Variants in BMPR1A observed in about 807,000 individuals in gnomAD.
The protein encoded by BMPR1A is bone morphogenetic protein receptor type-1A.
BMPR1A carries 7 observed loss-of-function variants against 66.0 expected under a neutral mutation model. The ratio of observed to expected loss-of-function variants is 0.11; its 90% CI spans 0.06 to 0.20. The LOEUF (loss-of-function observed/expected upper bound fraction) is 0.20, where lower values mean the gene tolerates loss of function less well. Among genes scored for constraint, BMPR1A ranks in the 10% least tolerant of loss-of-function variants. BMPR1A has a pLI of 1.00. For missense variants in BMPR1A, 408 were observed against 669.1 expected (o/e 0.61, Z 4.31); for synonymous variants, 200 against 229.7 (o/e 0.87, Z 1.17).
chr10:86,908,335 A>G (rs1280425836), intron 7 of BMPR1A, among the ~76,000 whole-genome samples: 1 of 152,208 alleles, frequency 6.6e-6, no homozygotes, highest in African/African-American at 2.4e-5. Context: ...ATGTACAACT[A>G]TTATACATCA....
intron 1 of BMPR1A, among the ~76,000 whole-genome samples, chr10:86,775,000 T>C (rs1841323935): frequency 6.6e-6 from 1 of 152,216 alleles, no homozygotes; most frequent in South Asian, 2.1e-4. Flanking sequence ...AGAACAATAC[T>C]AAGTTCATTT....
intron 1 of BMPR1A, among the ~76,000 whole-genome samples, chr10:86,790,227 A>C (rs1841594125): frequency 1.0e-5 from 1 of 97,622 alleles, no homozygotes; most frequent in Admixed American, 1.2e-4. Flanking sequence ...ATATATATAT[A>C]TATATATATC....
At chr10:86,915,650 C>T (rs192830216) in intron 8 of BMPR1A, among the ~76,000 whole-genome samples, 1 of 152,078 alleles carries the variant, frequency 6.6e-6, no homozygotes, top group Non-Finnish European at 1.5e-5. Flanking sequence ...ATTGTTTTAA[C>T]TGGGGAGGCA....
chr10:86,913,565 G>T (rs1178762405), intron 8 of BMPR1A, among the ~76,000 whole-genome samples: 2 of 152,114 alleles, frequency 1.3e-5, no homozygotes, highest in African/African-American at 4.8e-5. Context: ...AACTACTGCA[G>T]CCAGTAAATG....
Position 86,876,144 on chromosome 10 carries a change from T to C in BMPR1A, c.67+59T>C, listed in dbSNP as rs1349883416. On this transcript the variant is annotated intron_variant, in intron 3 of 12. Coordinates refer to ENST00000372037, the MANE Select transcript of BMPR1A (RefSeq NM_004329.3). ...GTATATAAAAAGCACTATTTCTTGC[T>C]TCTGTTCTTTCAACTCATCCCTGTT... The C allele has an allele frequency of 6.0e-6, 9 of 1,492,234 alleles. No individual in the cohort carries two copies. The East Asian group carries it at 1.6e-4, about 26-fold the overall frequency. 92.4% of individuals were successfully genotyped at this position (1,492,234 alleles called of 1,614,324 possible).
At chr10:86,888,812 G>A (rs1376101990) in intron 3 of BMPR1A, among the ~76,000 whole-genome samples, 4 of 141,258 alleles carry the variant, frequency 2.8e-5, no homozygotes, top group South Asian at 4.5e-4. Context: ...GGGCAATAGC[G>A]TGAGACCATG....
chr10:86,758,178 C>T (rs989887340), intron 1 of BMPR1A, among the ~76,000 whole-genome samples: 21 of 152,116 alleles, frequency 1.4e-4, no homozygotes, highest in Admixed American at 1.1e-3. Flanking sequence ...ATGTAGAATG[C>T]GTTTTTAGTA....
intron 7 of BMPR1A, among the ~76,000 whole-genome samples, chr10:86,908,907 A>G (rs973517161): frequency 2.0e-5 from 3 of 152,146 alleles, no homozygotes; most frequent in African/African-American, 7.2e-5. Context: ...TCAGCATCAG[A>G]GGATCTTAGC....
At chr10:86,861,340 GATTTT>G (rs1842712179) in intron 2 of BMPR1A, among the ~76,000 whole-genome samples, 1 of 152,206 alleles carries the variant, frequency 6.6e-6, no homozygotes, top group Admixed American at 6.5e-5. Context: ...GGGTTTGTAA[GATTTT>G]AGTTTTCTAT....
chr10:86,812,070 A>T (rs1051925162), intron 1 of BMPR1A, among the ~76,000 whole-genome samples: 1 of 152,038 alleles, frequency 6.6e-6, no homozygotes, highest in East Asian at 1.9e-4. Flanking sequence ...AAAGAAAAAA[A>T]AAAACCCTAA....
At chr10:86,779,870 G>C (rs1169724280) in intron 1 of BMPR1A, among the ~76,000 whole-genome samples, 1 of 152,142 alleles carries the variant, frequency 6.6e-6, no homozygotes, top group African/African-American at 2.4e-5. Context: ...CCAAAGTGCT[G>C]GGACTACAGG....
At chr10:86,775,529 A>AT (rs1199364745) in intron 1 of BMPR1A, among the ~76,000 whole-genome samples, 5 of 152,224 alleles carry the variant, frequency 3.3e-5, no homozygotes, top group South Asian at 2.1e-4. Flanking sequence ...AGAAAGTTTC[A>AT]TTTTTTGGAC....
intron 1 of BMPR1A, among the ~76,000 whole-genome samples, chr10:86,800,434 G>T (rs1440840404): frequency 2.6e-5 from 4 of 152,156 alleles, no homozygotes; most frequent in African/African-American, 9.7e-5. Context: ...CGCTCTTGTT[G>T]CCCAGGCTGG....
At chr10:86,878,844 TC>T (rs1388659899) in intron 3 of BMPR1A, among the ~76,000 whole-genome samples, 2 of 152,086 alleles carry the variant, frequency 1.3e-5, no homozygotes, top group East Asian at 1.9e-4. Context: ...GGTGTGTTGT[TC>T]CCCCAAACAA....
intron 1 of BMPR1A, among the ~76,000 whole-genome samples, chr10:86,760,715 A>G (rs532098740): frequency 6.6e-6 from 1 of 152,270 alleles, no homozygotes; most frequent in East Asian, 1.9e-4. Context: ...CCATGGAGAG[A>G]AAGGAAAATG....
At chr10:86,795,592 A>C (rs1841696870) in intron 1 of BMPR1A, among the ~76,000 whole-genome samples, 1 of 152,164 alleles carries the variant, frequency 6.6e-6, no homozygotes, top group Non-Finnish European at 1.5e-5. Flanking sequence ...CGTTCAGAGA[A>C]GCAATAGTGA....
chr10:86,862,888 G>A (rs1223512340), intron 2 of BMPR1A, among the ~76,000 whole-genome samples: 1 of 152,080 alleles, frequency 6.6e-6, no homozygotes, highest in Non-Finnish European at 1.5e-5. Context: ...TAGCAAATTT[G>A]GGAGGGAAGA....
chr10:86,806,105 C>G (rs1363076591), intron 1 of BMPR1A, among the ~76,000 whole-genome samples: 1 of 152,130 alleles, frequency 6.6e-6, no homozygotes, highest in Non-Finnish European at 1.5e-5. Context: ...TTGGCATTTT[C>G]TCATTATTAG....
At chr10:86,769,175 G>A (rs1841211858) in intron 1 of BMPR1A, among the ~76,000 whole-genome samples, 1 of 152,110 alleles carries the variant, frequency 6.6e-6, no homozygotes, top group Non-Finnish European at 1.5e-5. Flanking sequence ...AGGAAATTTT[G>A]TTGCTTTTCC....
Sources: allele counts gnomAD v4.1 joint callset (sites outside exome capture counted in the v4.1 genomes callset), GRCh38; gene constraint gnomAD v4.1.1; transcripts MANE v1.5; gene names NCBI Gene and HGNC (gene_info 2026-07-23, HGNC 2026-07-21).